Variants in TMC1 observed in about 807,000 individuals in gnomAD.
TMC1 encodes the protein transmembrane channel-like protein 1.
In TMC1, 84 loss-of-function variants were observed where a neutral mutation model predicts 105.8. The ratio of observed to expected loss-of-function variants is 0.79; its 90% CI spans 0.67 to 0.95. TMC1 has a LOEUF of 0.95. Among genes scored for constraint, TMC1 ranks in the 40% least tolerant of loss-of-function variants. The pLI, the probability that TMC1 is intolerant of heterozygous loss-of-function variation, is 0.00. For synonymous variants in TMC1, 315 were observed against 311.5 expected, an observed-to-expected ratio of 1.01 and a Z score of -0.12; for missense variants, 817 against 914.1, an observed-to-expected ratio of 0.89 and a Z score of 1.37.
chr9:72,587,830 G>C (rs1824578625), intron 2 of TMC1, among the ~76,000 whole-genome samples: 1 of 150,324 alleles, frequency 6.7e-6, no homozygotes, highest in Non-Finnish European at 1.5e-5. Context: ...GTCTTGCCCA[G>C]GCTGGAGTGC....
intron 4 of TMC1, among the ~76,000 whole-genome samples, chr9:72,640,712 A>G (rs570765480): frequency 2.0e-5 from 3 of 151,528 alleles, no homozygotes; most frequent in Non-Finnish European, 4.4e-5. Context: ...GGCTCACTGC[A>G]AGCTCTGCCT....
chr9:72,587,406 C>T (rs1264820114), intron 2 of TMC1, among the ~76,000 whole-genome samples: 1 of 152,226 alleles, frequency 6.6e-6, no homozygotes, highest in Non-Finnish European at 1.5e-5. Context: ...GATCCACCCA[C>T]CTCGGTCTCC....
intron 5 of TMC1, chr9:72,651,148 C>T (rs959282912): frequency 2.7e-5 from 4 of 149,768 alleles, no homozygotes; most frequent in Non-Finnish European, 5.9e-5. Context: ...ATATATATCA[C>T]ATTTTCTTTA....
intron 2 of TMC1, among the ~76,000 whole-genome samples, chr9:72,588,577 T>C (rs146408088): frequency 2.7e-3 from 410 of 152,242 alleles, no homozygotes; most frequent in African/African-American, 9.2e-3. Context: ...AGGCAGAAAG[T>C]AAATGCTGCC....
chr9:72,603,146 C>T (rs552610150), intron 2 of TMC1, among the ~76,000 whole-genome samples: 6 of 152,252 alleles, frequency 3.9e-5, no homozygotes, highest in East Asian at 1.9e-4. Context: ...AAATTGGTCA[C>T]GTAAATCACT....
At chr9:72,765,869 A>G (rs1169782519) in intron 12 of TMC1, among the ~76,000 whole-genome samples, 1 of 152,196 alleles carries the variant, frequency 6.6e-6, no homozygotes, top group South Asian at 2.1e-4. Context: ...TGTTAGTGTC[A>G]GTCGTGGGCC....
intron 2 of TMC1, among the ~76,000 whole-genome samples, chr9:72,609,304 C>T (rs1007101619): frequency 2.6e-5 from 4 of 151,784 alleles, no homozygotes; most frequent in African/African-American, 9.7e-5. Flanking sequence ...TTTGGGATGC[C>T]GAGGTGGGTG....
intron 7 of TMC1, among the ~76,000 whole-genome samples, chr9:72,696,735 A>C (rs550477394): frequency 6.6e-6 from 1 of 152,298 alleles, no homozygotes; most frequent in African/African-American, 2.4e-5. Flanking sequence ...CAGTAATATT[A>C]CAGGCTTTTC....
chr9:72,813,893 C>T (rs1828741965), intron 18 of TMC1, among the ~76,000 whole-genome samples: 1 of 152,172 alleles, frequency 6.6e-6, no homozygotes, highest in South Asian at 2.1e-4. Flanking sequence ...TCCAGTATGG[C>T]CACCCTGTAT....
In TMC1 at chr9:72,735,850, G is replaced by T. The variant is rs146059246; in HGVS notation, c.363-4269G>T. Among the ~76,000 whole-genome samples the T allele has an allele frequency of 3.3e-3, 505 of 152,198 alleles. 2 individuals carry two copies. The highest frequency in any genetic ancestry group is 4.9e-3 in the Non-Finnish European group (334 of 68,016). ...TCTTCTTGCTAAACAAATATTCTTG[G>T]TCCACCTTCTGCCCCCTGGCTTTAT... On this transcript the variant is annotated intron_variant, in intron 8 of 23. Transcript: ENST00000297784.
chr9:72,580,071 G>A (rs574332999), intron 2 of TMC1, among the ~76,000 whole-genome samples: 35 of 152,246 alleles, frequency 2.3e-4, no homozygotes, highest in African/African-American at 7.9e-4. Flanking sequence ...ATTTAAAAGA[G>A]CGTGGTCCGT....
chr9:72,803,842 G>C (rs1224903306), intron 17 of TMC1, among the ~76,000 whole-genome samples: 1 of 152,166 alleles, frequency 6.6e-6, no homozygotes, highest in Non-Finnish European at 1.5e-5. Context: ...TAAAGACCTA[G>C]AACCAGAAAT....
chr9:72,730,499 G>T (rs1827193190), intron 8 of TMC1, among the ~76,000 whole-genome samples: 1 of 152,130 alleles, frequency 6.6e-6, no homozygotes, highest in African/African-American at 2.4e-5. Context: ...TTGCACATTG[G>T]AATTGTTCAT....
chr9:72,571,364 T>C (rs1469818611), intron 1 of TMC1, among the ~76,000 whole-genome samples: 1 of 128,502 alleles, frequency 7.8e-6, no homozygotes, highest in African/African-American at 3.2e-5. Flanking sequence ...CTGATTACTA[T>C]TACTTCTCTC....
At chr9:72,522,156 T>TTTTTTTGTC (rs1317547949) in intron 1 of TMC1, among the ~76,000 whole-genome samples, 1 of 150,536 alleles carries the variant, frequency 6.6e-6, no homozygotes, top group African/African-American at 2.4e-5. Context: ...ATTGATAAGT[T>TTTTTTTGTC]TTTTTTTTTT....
intron 4 of TMC1, among the ~76,000 whole-genome samples, chr9:72,635,266 A>G (rs1056299280): frequency 1.3e-4 from 20 of 151,354 alleles, no homozygotes; most frequent in Non-Finnish European, 2.7e-4. Context: ...AAAAAAAAAA[A>G]GAAAGAAAAG....
intron 1 of TMC1, among the ~76,000 whole-genome samples, chr9:72,550,347 T>A (rs1823839970): frequency 6.6e-6 from 1 of 151,806 alleles, no homozygotes; most frequent in Non-Finnish European, 1.5e-5. Context: ...GCGCCTGTAA[T>A]CCCAGCTACT....
intron 10 of TMC1, among the ~76,000 whole-genome samples, chr9:72,747,204 C>T (rs1286224444): frequency 6.6e-6 from 1 of 152,106 alleles, no homozygotes; most frequent in Non-Finnish European, 1.5e-5. Flanking sequence ...TGTTTCCTTG[C>T]TGCCCTAAGG....
chr9:72,733,480 G>A lies in TMC1; in HGVS notation c.363-6639G>A, dbSNP rs146723172. Among the ~76,000 whole-genome samples the A allele has an allele frequency of 2.4e-3, 368 of 152,218 alleles. 2 individuals are homozygous for A. Among genetic ancestry groups the A allele is most frequent in the African/African-American group, 8.3e-3 (346 of 41,540 alleles). ...CTAGGGTTTTGCCTGGAAGTACCTA[G>A]TTATTTCTTAACTTTGTAGTTTGGA... On this transcript the variant is annotated intron_variant, in intron 8 of 23. Coordinates refer to ENST00000297784, the MANE Select transcript of TMC1 (RefSeq NM_138691.3).
Sources: gnomAD v4.1 joint callset for allele counts (sites outside exome capture counted in the v4.1 genomes callset) on GRCh38, gnomAD v4.1.1 for gene constraint, MANE v1.5 for transcripts, NCBI Gene and HGNC (gene_info 2026-07-23, HGNC 2026-07-21) for gene names.